The following HGF variants were observed in gnomAD, a reference collection of about 807,000 sequenced individuals.
The protein encoded by HGF is hepatocyte growth factor, also known as fibroblast-derived tumor cytotoxic factor.
In HGF, 39 loss-of-function variants were observed where a neutral mutation model predicts 111.6. That is an observed-to-expected ratio of 0.35 (90% CI 0.27 to 0.46). HGF has a LOEUF of 0.46. HGF is among the 20% of genes least tolerant of loss of function. The pLI, the probability that HGF is intolerant of heterozygous loss-of-function variation, is 1.00. For missense variants in HGF, 735 were observed against 910.5 expected (o/e 0.81, Z 2.48); for synonymous variants, 285 against 294.8 (o/e 0.97, Z 0.34).
chr7:81,734,699 C>T (rs1787768512), intron 7 of HGF, among the ~76,000 whole-genome samples: 1 of 151,996 alleles, frequency 6.6e-6, no homozygotes, highest in Admixed American at 6.6e-5. Context: ...GCCACAGGGC[C>T]CTGATAGAGG....
rs1221201836 is a variant in HGF at position 81,699,873 on chromosome 7, T to C, written c.*2708A>G. 1 of 151,632 alleles carries C rather than the reference T, an allele frequency of 6.6e-6. No individual in the cohort carries two copies. The highest frequency in any genetic ancestry group is 1.9e-4 in the East Asian group (1 of 5,164). 9.4% of individuals were successfully genotyped at this position (151,632 alleles called of 1,614,324 possible). On this transcript the variant is annotated 3_prime_UTR_variant, in exon 18 of 18. Coordinates refer to ENST00000222390, the MANE Select transcript of HGF (RefSeq NM_000601.6). ...AGCAAAAGCCTGTTAATACTAGAAA[T>C]TGACTCAATAGATTTTACTGAGGAC...
At chr7:81,769,037 C>T (rs1789503088) in intron 1 of HGF, among the ~76,000 whole-genome samples, 1 of 152,150 alleles carries the variant, frequency 6.6e-6, no homozygotes, top group Admixed American at 6.5e-5. Context: ...TTTTATTCCC[C>T]TGCGCCTACC....
chr7:81,718,623 G>A (rs543842838), intron 10 of HGF, among the ~76,000 whole-genome samples: 32 of 152,106 alleles, frequency 2.1e-4, no homozygotes, highest in Non-Finnish European at 4.3e-4. Context: ...GAGACCCATT[G>A]ATAGTTTCTA....
chr7:81,708,839 C>T (rs77064600), intron 13 of HGF, among the ~76,000 whole-genome samples: 336 of 152,168 alleles, frequency 2.2e-3, no homozygotes, highest in African/African-American at 7.8e-3. Context: ...CTTTAATATT[C>T]TGGTTAGTTT....
At chr7:81,741,693 C>A (rs528666522) in intron 7 of HGF, among the ~76,000 whole-genome samples, 111 of 151,838 alleles carry the variant, frequency 7.3e-4, no homozygotes, top group African/African-American at 2.3e-3. Context: ...AATCCCAGCA[C>A]TTTGGGAGGC....
rs2116178909 is a variant in HGF, at chr7:81,757,213, C to T, written c.458G>A (p.Ser153Asn). The T allele has an allele frequency of 1.3e-6, 2 of 1,594,078 alleles. No homozygotes were observed. ...TKSGIKCQPW[S>N]SMIPHEHSFL... ...CCTGTGTTCGTGTGGTATCATGGAA[C>T]TCCAGGGCTGACATTTGATGCCACT... Residue 153 changes from serine (S) to asparagine (N), a missense_variant, in exon 4 of 18, where the codon AGT (serine) becomes AAT (asparagine). Ser to Asn is a conservative substitution (Grantham distance 46). This residue lies in a region of HGF where 553 missense variants were observed against 685.6 expected (regional missense o/e 0.81). Transcript: ENST00000222390.
intron 1 of HGF, among the ~76,000 whole-genome samples, chr7:81,765,895 G>A (rs922520358): frequency 6.6e-6 from 1 of 152,110 alleles, no homozygotes; most frequent in Middle Eastern, 3.2e-3. Flanking sequence ...TTTTTTGTGC[G>A]TGACTGTTAG....
At chr7:81,767,157 T>C (rs1430906171) in intron 1 of HGF, among the ~76,000 whole-genome samples, 2 of 152,180 alleles carry the variant, frequency 1.3e-5, no homozygotes, top group Non-Finnish European at 2.9e-5. Flanking sequence ...TGATTCTCTA[T>C]GCTGAAAATG....
intron 1 of HGF, 34 bp from the exon 2 acceptor site, chr7:81,762,906 A>T (rs1359118091): frequency 8.0e-7 from 1 of 1,254,590 alleles, no homozygotes; most frequent in South Asian, 1.3e-5. Flanking sequence ...AAAAATAAAC[A>T]TTGGAGAAAT....
intron 10 of HGF, among the ~76,000 whole-genome samples, chr7:81,719,257 T>A (rs1293578497): frequency 6.6e-6 from 1 of 152,250 alleles, no homozygotes; most frequent in Non-Finnish European, 1.5e-5. Flanking sequence ...GAAGCCTTCC[T>A]GACCACTTAC....
chr7:81,712,235 G>A (rs1316718916), intron 11 of HGF, among the ~76,000 whole-genome samples: 2 of 151,474 alleles, frequency 1.3e-5, no homozygotes, highest in African/African-American at 2.4e-5. Flanking sequence ...TTGTCTACTT[G>A]GACTCTTCAT....
chr7:81,755,776 A>G (rs957117939), intron 4 of HGF: 5 of 492,476 alleles, frequency 1.0e-5, no homozygotes, highest in Non-Finnish European at 1.8e-5. Context: ...TATAAGGAAA[A>G]TACTGTGTTT....
At chr7:81,751,632 G>A (rs1187352559) in intron 5 of HGF, 2 of 996,188 alleles carry the variant, frequency 2.0e-6, no homozygotes, top group Non-Finnish European at 2.4e-6. Flanking sequence ...TGTGCATGGG[G>A]TCAAGCTTCC....
intron 7 of HGF, among the ~76,000 whole-genome samples, chr7:81,739,137 A>G (rs1212713799): frequency 2.0e-5 from 3 of 152,068 alleles, no homozygotes; most frequent in Admixed American, 6.6e-5. Context: ...AATAATTTTA[A>G]AATATTTTAG....
chr7:81,752,502 G>T (rs545752110), intron 4 of HGF, among the ~76,000 whole-genome samples: 5 of 152,122 alleles, frequency 3.3e-5, no homozygotes, highest in African/African-American at 1.2e-4. Context: ...ATGAGCCTGT[G>T]AATTTGCTGA....
intron 1 of HGF, among the ~76,000 whole-genome samples, chr7:81,768,507 G>A (rs1232638621): frequency 6.6e-6 from 1 of 151,996 alleles, no homozygotes; most frequent in East Asian, 1.9e-4. Flanking sequence ...AGCCTCCCAA[G>A]TAGGTGGGAC....
At chr7:81,751,700 T>G (rs1361817081) in intron 5 of HGF, 1 of 1,039,078 alleles carries the variant, frequency 9.6e-7, no homozygotes, top group Non-Finnish European at 1.2e-6. Flanking sequence ...GTCACACCAC[T>G]TCATGATAGT....
intron 9 of HGF, among the ~76,000 whole-genome samples, chr7:81,722,813 C>CAAA (rs552915726): frequency 3.4e-4 from 31 of 91,024 alleles, no homozygotes; most frequent in African/African-American, 4.8e-4. Flanking sequence ...GATTCTGTCT[C>CAAA]AAAAAAAAAA....
chr7:81,749,013 GA>G (rs1241710433), intron 5 of HGF, among the ~76,000 whole-genome samples: 1 of 152,020 alleles, frequency 6.6e-6, no homozygotes, highest in Non-Finnish European at 1.5e-5. Context: ...GACAGTCTCA[GA>G]AAAATCCATA....
Sources: allele counts gnomAD v4.1 joint callset (sites outside exome capture counted in the v4.1 genomes callset), GRCh38; gene constraint gnomAD v4.1.1; regional missense constraint gnomAD v4.1.1; transcripts MANE v1.5; gene names NCBI Gene and HGNC (gene_info 2026-07-23, HGNC 2026-07-21).